TGFBRAP1: variants seen among roughly 807,000 people sequenced by gnomAD.
The protein encoded by TGFBRAP1 is transforming growth factor-beta receptor-associated protein 1.
TGFBRAP1 carries 20 observed loss-of-function variants against 83.2 expected under a neutral mutation model. The observed-to-expected ratio is 0.24, with a 90% CI of 0.17 to 0.35. The LOEUF (loss-of-function observed/expected upper bound fraction) is 0.35, where lower values mean the gene tolerates loss of function less well. Among genes scored for constraint, TGFBRAP1 ranks in the 10% least tolerant of loss-of-function variants. The pLI, the probability that TGFBRAP1 is intolerant of heterozygous loss-of-function variation, is 1.00. For synonymous variants in TGFBRAP1, 415 were observed against 459.8 expected, an observed-to-expected ratio of 0.90 and a Z score of 1.25; for missense variants, 950 against 1,099.4, an observed-to-expected ratio of 0.86 and a Z score of 1.92.
intron 3 of TGFBRAP1, 144 bp from the exon 4 acceptor site, chr2:105,296,654 A>C (rs1573192770): frequency 1.1e-6 from 1 of 902,032 alleles, no homozygotes; most frequent in East Asian, 2.9e-5. Context: ...CAAAAATTAT[A>C]AATTATAATG....
chr2:105,328,290 C>T (rs891181399), intron 1 of TGFBRAP1, among the ~76,000 whole-genome samples: 2 of 152,128 alleles, frequency 1.3e-5, no homozygotes, highest in Non-Finnish European at 2.9e-5. Context: ...CTGGGGCAGG[C>T]TAGTTATGGA....
Position 105,269,196 on chromosome 2 carries a change from A to AT in TGFBRAP1, c.2406+75dup. The AT allele has an allele frequency of 6.9e-7, 1 of 1,446,086 alleles. No homozygotes were observed. The highest frequency in any genetic ancestry group is 9.2e-7 in the Non-Finnish European group (1 of 1,090,986). 89.6% of individuals were successfully genotyped at this position (1,446,086 alleles called of 1,614,324 possible). On this transcript the variant is annotated intron_variant, in intron 11 of 11. Transcript: ENST00000393359. This position sits in a 1 kb window ranked among gnomAD's most constrained non-coding sequence, Gnocchi z 4.1. Reference sequence around the variant, plus strand: ...GAAAAAAGAAAAACCAACAAAGACTATTTTTCCATCAGTAAAATCTACCTT... The same window carrying AT: ...GAAAAAAGAAAAACCAACAAAGACTATTTTTTCCATCAGTAAAATCTACCTT...
rs1277642570 is a variant in TGFBRAP1 at position 105,267,946 on chromosome 2, A to G, written c.2407-387T>C. The stretch of plus-strand genomic sequence containing the variant: ...TAACTCCAGGGTTCTCTCATTTGCA[A>G]ATAAGAAAAGTAAAGCACAAACAAA... On this transcript the variant is annotated intron_variant, in intron 11 of 11. Coordinates refer to ENST00000393359, the MANE Select transcript of TGFBRAP1 (RefSeq NM_004257.6). The G allele has an allele frequency of 3.2e-6, 3 of 935,612 alleles. No homozygotes were observed. The African/African-American group carries it at 5.3e-5, about 17-fold the overall frequency. The allele number at this position is 935,612 out of a possible 1,614,324, so 58.0% of individuals were successfully genotyped here.
intron 8 of TGFBRAP1, among the ~76,000 whole-genome samples, chr2:105,274,436 T>C (rs1011774522): frequency 3.3e-5 from 5 of 152,252 alleles, no homozygotes; most frequent in African/African-American, 1.2e-4. Context: ...TTTTGGATTC[T>C]ATAAGCCTGG....
intron 10 of TGFBRAP1, among the ~76,000 whole-genome samples, chr2:105,270,604 T>C (rs183904981): frequency 5.2e-4 from 79 of 152,312 alleles, no homozygotes; most frequent in Middle Eastern, 3.4e-3. Flanking sequence ...ATAATCAAAT[T>C]ATAGGCATTT....
intron 1 of TGFBRAP1, among the ~76,000 whole-genome samples, chr2:105,316,479 G>GCGCGCA (rs1558654739): frequency 4.3e-5 from 3 of 69,448 alleles, no homozygotes; most frequent in Non-Finnish European, 1.0e-4. Flanking sequence ...GCGCGCGCGC[G>GCGCGCA]CACGCGCACA....
At chr2:105,318,021 T>C in intron 1 of TGFBRAP1, among the ~76,000 whole-genome samples, 1 of 152,272 alleles carries the variant, frequency 6.6e-6, no homozygotes, top group East Asian at 1.9e-4. Context: ...GGCTCCACCA[T>C]GCCAGGGGAA....
chr2:105,306,332 G>A (rs1041282558), intron 2 of TGFBRAP1, among the ~76,000 whole-genome samples: 2 of 152,082 alleles, frequency 1.3e-5, no homozygotes, highest in Non-Finnish European at 2.9e-5. Flanking sequence ...AAAGTGCTGG[G>A]ATTATAGGCG....
At chr2:105,302,060 C>T (rs796708375) in intron 2 of TGFBRAP1, among the ~76,000 whole-genome samples, 11 of 142,344 alleles carry the variant, frequency 7.7e-5, no homozygotes, top group African/African-American at 2.3e-4. Context: ...TAATTCCCAT[C>T]GGAAGAAATG....
chr2:105,283,024 T>C (rs1459554022), intron 5 of TGFBRAP1, among the ~76,000 whole-genome samples: 1 of 152,098 alleles, frequency 6.6e-6, no homozygotes, highest in Non-Finnish European at 1.5e-5. Flanking sequence ...ACCTAATGTT[T>C]CAGATTAACC....
At chr2:105,280,818 C>T (rs576638045) in intron 5 of TGFBRAP1, 95 bp from the exon 6 acceptor site, 63 of 1,332,402 alleles carry the variant, frequency 4.7e-5, no homozygotes, top group Middle Eastern at 1.9e-4. Context: ...CGGTGGCACA[C>T]GTTCACAGGG....
At chr2:105,277,181 T>C (rs1463394746) in intron 7 of TGFBRAP1, among the ~76,000 whole-genome samples, 5 of 152,232 alleles carry the variant, frequency 3.3e-5, no homozygotes, top group African/African-American at 9.6e-5. Flanking sequence ...GGCAAGCAAC[T>C]GGCATGCATC....
chr2:105,308,191 G>A lies in TGFBRAP1; in HGVS notation c.111C>T (p.Leu37=). The A allele has an allele frequency of 6.2e-7, 1 of 1,614,192 alleles. No homozygotes were observed. The highest frequency in any genetic ancestry group is 1.1e-5 in the South Asian group (1 of 91,082). The part of the protein sequence containing the change: ...IECVECCGRD[L]YVGTNDCFVY... ...CGAAGCAGTCGTTGGTGCCCACGTA[G>A]AGGTCCCTGCCGCAGCACTCCACGC... Residue 37 remains leucine, a synonymous_variant, in exon 2 of 12, where the codon CTC becomes CTT. Transcript: ENST00000393359.
chr2:105,319,665 C>T (rs1356622413), intron 1 of TGFBRAP1, among the ~76,000 whole-genome samples: 2 of 142,020 alleles, frequency 1.4e-5, no homozygotes, highest in Non-Finnish European at 3.0e-5. Flanking sequence ...GCACTCCAGC[C>T]TGGGCAACAA....
intron 4 of TGFBRAP1, among the ~76,000 whole-genome samples, chr2:105,288,205 T>C (rs920217): frequency 0.79 from 119,586 of 152,132 alleles, 47,137 homozygotes; most frequent in Admixed American, 0.82. Flanking sequence ...TCTGCAAATA[T>C]CACAGCAGGA....
chr2:105,266,963 C>T lies in TGFBRAP1; in HGVS notation c.*420G>A, dbSNP rs1676957444. ...ACCCAGGCAAGAGAGGACTTTGTCG[C>T]CAGCCATGGTGAAGCCACGTTTCCA... On this transcript the variant is annotated 3_prime_UTR_variant, in exon 12 of 12. Coordinates refer to ENST00000393359, the MANE Select transcript of TGFBRAP1 (RefSeq NM_004257.6). 6.2e-6 allele frequency: 1 copy of T among 162,396 alleles called. No individual in the cohort carries two copies. The highest frequency in any genetic ancestry group is 1.3e-5 in the Non-Finnish European group (1 of 74,172). The allele number at this position is 162,396 out of a possible 1,614,324, so 10.1% of individuals were successfully genotyped here.
chr2:105,274,832 G>A (rs1000906961), intron 8 of TGFBRAP1, among the ~76,000 whole-genome samples: 1 of 152,184 alleles, frequency 6.6e-6, no homozygotes, highest in Non-Finnish European at 1.5e-5. Context: ...CTCCATTCAG[G>A]ACCAACGTCC....
intron 2 of TGFBRAP1, among the ~76,000 whole-genome samples, chr2:105,302,220 G>A (rs1016587517): frequency 2.0e-5 from 3 of 152,158 alleles, no homozygotes; most frequent in Non-Finnish European, 2.9e-5. Context: ...AAGCTGGAGG[G>A]AAACAGGTAC....
chr2:105,267,184 AGAGCC>A lies in TGFBRAP1; in HGVS notation c.*194_*198del. The A allele has an allele frequency of 2.8e-5, 1 of 35,154 alleles. No homozygotes were observed. The highest frequency in any genetic ancestry group is 4.7e-4 in the South Asian group (1 of 2,136). 2.2% of individuals were successfully genotyped at this position (35,154 alleles called of 1,614,324 possible). A position where few individuals can be genotyped will look rare whatever the true frequency, so the allele number is the denominator to read the frequency against. Reference sequence around the variant, plus strand: ...TTAGGGGTTTTCCATGTACATTCATAGAGCCTGGTCATTCCATGTACATTCATAGA... The same window carrying A: ...TTAGGGGTTTTCCATGTACATTCATATGGTCATTCCATGTACATTCATAGA... On this transcript the variant is annotated 3_prime_UTR_variant, in exon 12 of 12. Transcript: ENST00000393359.
Sources: gnomAD v4.1 joint callset for allele counts (sites outside exome capture counted in the v4.1 genomes callset) on GRCh38, gnomAD v4.1.1 for gene constraint, Gnocchi (gnomAD v3.1) non-coding constraint, MANE v1.5 for transcripts, NCBI Gene and HGNC (gene_info 2026-07-23, HGNC 2026-07-21) for gene names.